DPP6: variants seen among roughly 807,000 people sequenced by gnomAD.
DPP6 encodes dipeptidyl peptidase like 6.
A neutral mutation model predicts 122.6 loss-of-function variants in DPP6; 69 were observed. That is an observed-to-expected ratio of 0.56 (90% CI 0.46 to 0.69). DPP6 has a LOEUF of 0.69. DPP6 is among the 30% of genes least tolerant of loss of function. DPP6 has a pLI of 0.00. For missense variants in DPP6, 928 were observed against 1,116.9 expected (o/e 0.83, Z 2.41); for synonymous variants, 418 against 433.1 (o/e 0.97, Z 0.43).
chr7:154,211,607 G>A (rs890426196), intron 1 of DPP6, among the ~76,000 whole-genome samples: 2 of 152,164 alleles, frequency 1.3e-5, no homozygotes, highest in Non-Finnish European at 2.9e-5. Flanking sequence ...GCGCATTTAT[G>A]GCTCTCTTTT....
At chr7:154,791,237 G>C (rs1797659050) in intron 10 of DPP6, among the ~76,000 whole-genome samples, 1 of 152,110 alleles carries the variant, frequency 6.6e-6, no homozygotes, top group Non-Finnish European at 1.5e-5. Context: ...CTGGGGAATA[G>C]AGTGAGACTC....
intron 7 of DPP6, among the ~76,000 whole-genome samples, chr7:154,716,166 T>C (rs138867228): frequency 0.01 from 1,529 of 152,328 alleles, 29 homozygotes; most frequent in African/African-American, 0.036. Context: ...GCCGTCATGG[T>C]GATATTTCTG....
intron 1 of DPP6, among the ~76,000 whole-genome samples, chr7:153,896,132 C>T (rs1242251970): frequency 1.3e-5 from 2 of 152,186 alleles, no homozygotes; most frequent in Non-Finnish European, 1.5e-5. Context: ...TTTTCCCTCT[C>T]CTACTGGACT....
At chr7:154,729,984 G>A (rs1842257488) in intron 8 of DPP6, among the ~76,000 whole-genome samples, 1 of 152,178 alleles carries the variant, frequency 6.6e-6, no homozygotes, top group South Asian at 2.1e-4. Flanking sequence ...AGAGGTACAG[G>A]CAGCAGCACA....
chr7:154,205,117 A>G (rs1207960313), intron 1 of DPP6, among the ~76,000 whole-genome samples: 2 of 151,806 alleles, frequency 1.3e-5, no homozygotes, highest in Non-Finnish European at 2.9e-5. Flanking sequence ...TTTAAAGAAC[A>G]ACTTCGATGT....
At chr7:154,652,379 T>A (rs1389522875) in intron 6 of DPP6, among the ~76,000 whole-genome samples, 1 of 148,470 alleles carries the variant, frequency 6.7e-6, no homozygotes, top group African/African-American at 2.5e-5. Flanking sequence ...TTTTCTTTAG[T>A]CTAATTCATT....
the DPP6 span, among the ~76,000 whole-genome samples, chr7:153,766,947 C>A: frequency 6.6e-6 from 1 of 152,086 alleles, no homozygotes. Context: ...AGTGACTGAG[C>A]TATGAGTTAC....
chr7:154,737,798 A>G (rs1469785067), intron 8 of DPP6, among the ~76,000 whole-genome samples: 2 of 152,192 alleles, frequency 1.3e-5, no homozygotes, highest in East Asian at 3.8e-4. Context: ...TGTGCTGTAA[A>G]AGGTGTGTCT....
intron 3 of DPP6, chr7:154,475,918 T>A (rs553709863): frequency 6.6e-6 from 1 of 152,290 alleles, no homozygotes; most frequent in Non-Finnish European, 1.5e-5. Context: ...GTGACTTTTC[T>A]GAGGTCACAG....
At chr7:154,061,659 A>T (rs892035872) in intron 1 of DPP6, among the ~76,000 whole-genome samples, 4 of 90,020 alleles carry the variant, frequency 4.4e-5, no homozygotes, top group South Asian at 3.9e-4. Context: ...CTCAGAGCCA[A>T]CCCCTCTTCC....
chr7:154,889,734 C>A, intron 25 of DPP6: 1 of 793,944 alleles, frequency 1.3e-6, no homozygotes, highest in Non-Finnish European at 1.9e-6. Flanking sequence ...CTCTGTACTT[C>A]AGCCCGGTTT....
At chr7:153,749,118 A>T in the DPP6 span, among the ~76,000 whole-genome samples, 583 of 152,172 alleles carry the variant, frequency 3.8e-3, 3 homozygotes, top group African/African-American at 0.013. This position sits in a 1 kb window ranked among gnomAD's most constrained non-coding sequence, Gnocchi z 4.1. Flanking sequence ...GAGTGTGAGC[A>T]GCCGCTGGTG....
At chr7:154,645,756 C>T (rs1374450294) in intron 6 of DPP6, among the ~76,000 whole-genome samples, 3 of 152,000 alleles carry the variant, frequency 2.0e-5, no homozygotes, top group Admixed American at 1.3e-4. Flanking sequence ...TTGCCAGGCG[C>T]GGTGGTTCAC....
chr7:154,505,789 C>T (rs1480790019), intron 3 of DPP6, among the ~76,000 whole-genome samples: 2 of 152,136 alleles, frequency 1.3e-5, no homozygotes, highest in South Asian at 2.1e-4. Flanking sequence ...TGGCTAAAGT[C>T]GTACTTGTCA....
At chr7:154,245,224 A>G (rs2150883560) in intron 1 of DPP6, among the ~76,000 whole-genome samples, 1 of 152,094 alleles carries the variant, frequency 6.6e-6, no homozygotes, top group Non-Finnish European at 1.5e-5. Flanking sequence ...AATTGCTGAG[A>G]TTACAGGTGT....
At chr7:153,984,314 T>C (rs544865282) in intron 1 of DPP6, among the ~76,000 whole-genome samples, 167 of 152,334 alleles carry the variant, frequency 1.1e-3, no homozygotes, top group South Asian at 2.5e-3. Flanking sequence ...GAAACCTTTA[T>C]TGCAAACACC....
chr7:154,826,972 C>T (rs1475883156), intron 16 of DPP6, among the ~76,000 whole-genome samples: 1 of 151,976 alleles, frequency 6.6e-6, no homozygotes, highest in Non-Finnish European at 1.5e-5. Flanking sequence ...GCTGTAAGTC[C>T]ATCAGAGTGA....
At chr7:154,092,798 T>G (rs1485912027) in intron 1 of DPP6, 1 of 151,976 alleles carries the variant, frequency 6.6e-6, no homozygotes, top group Non-Finnish European at 1.5e-5. Flanking sequence ...CTCATCAAAT[T>G]TTCACCTCCT....
intron 1 of DPP6, among the ~76,000 whole-genome samples, chr7:154,017,129 G>A (rs1798455710): frequency 6.6e-6 from 1 of 152,134 alleles, no homozygotes; most frequent in Non-Finnish European, 1.5e-5. Context: ...GTGAAGTGGT[G>A]CAATCATGTC....
Sources: allele counts gnomAD v4.1 joint callset (sites outside exome capture counted in the v4.1 genomes callset), GRCh38; gene constraint gnomAD v4.1.1; non-coding constraint Gnocchi (gnomAD v3.1); transcripts MANE v1.5; gene names NCBI Gene and HGNC (gene_info 2026-07-23, HGNC 2026-07-21).